The following MAP3K10 variants were observed in gnomAD, a reference collection of about 807,000 sequenced individuals.
The protein encoded by MAP3K10 is MKN28 derived nonreceptor_type serine/threonine kinase.
In MAP3K10, 22 loss-of-function variants were observed where a neutral mutation model predicts 75.0. The ratio of observed to expected loss-of-function variants is 0.29; its 90% CI spans 0.21 to 0.42. The LOEUF is 0.42. Ranked by LOEUF, MAP3K10 falls within the 10% of genes least tolerant of loss-of-function variation. The pLI is 1.00. For missense variants in MAP3K10, 1,165 were observed against 1,379.8 expected (o/e 0.84, Z 2.47); for synonymous variants, 599 against 612.9 (o/e 0.98, Z 0.34).
rs777257201 is a variant in MAP3K10, at chr19:40,192,048, G to A, written c.17G>A (p.Gly6Glu). The change falls in exon 1 of 10, where the codon GGG becomes GAG. Residue 6 changes from glycine to glutamate, a missense_variant. Physicochemically the swap from Gly to Glu is moderately conservative, Grantham distance 98. Around this residue, in one of 2 missense-constraint regions of MAP3K10, gnomAD observed 575 missense variants for 793.2 expected, o/e 0.72. Coordinates refer to ENST00000253055, the MANE Select transcript of MAP3K10 (RefSeq NM_002446.4). The surrounding 1 kb of genome is among the most constrained non-coding windows in gnomAD (Gnocchi z 7.1). ...CCCTCCCCCATGGAGGAGGAGGAGG[G>A]GGCGGTGGCCAAGGAGTGGGGCACG... is the stretch of plus-strand genomic sequence containing the variant. MEEEE[G>E]AVAKEWGTTP... is the part of the protein sequence containing the mutation. The A allele has an allele frequency of 2.2e-4, 314 of 1,445,072 alleles. No homozygotes were observed. The highest frequency in any genetic ancestry group is 2.7e-4 in the Non-Finnish European group (298 of 1,101,122). 89.5% of individuals were successfully genotyped at this position (1,445,072 alleles called of 1,614,324 possible). A position where few individuals can be genotyped will look rare whatever the true frequency, so the allele number is the denominator to read the frequency against.
In MAP3K10 at chr19:40,204,443, G is replaced by C; in HGVS notation, c.864-42G>C. ...CAGGGCTGGGTATAGGTGAGGATTGGGGTGGGCTGCGACATCACCCCTCCC... is the reference window on the plus strand; with the variant it reads ...CAGGGCTGGGTATAGGTGAGGATTGCGGTGGGCTGCGACATCACCCCTCCC... On this transcript the variant is annotated intron_variant, in intron 2 of 9. Coordinates refer to ENST00000253055, the MANE Select transcript of MAP3K10 (RefSeq NM_002446.4). This position sits in a 1 kb window ranked among gnomAD's most constrained non-coding sequence, Gnocchi z 4.3. 1 of 1,594,750 alleles carries C rather than the reference G, an allele frequency of 6.3e-7. No homozygotes were observed. The highest frequency in any genetic ancestry group is 1.1e-5 in the South Asian group (1 of 89,590).
chr19:40,208,345 C>CTTTTTCTTTT (rs1973163111), intron 5 of MAP3K10, among the ~76,000 whole-genome samples: 1 of 55,904 alleles, frequency 1.8e-5, no homozygotes, highest in East Asian at 4.6e-4. Flanking sequence ...CTCTTTCTTT[C>CTTTTTCTTTT]TTTTTTTTTT....
chr19:40,213,568 A>G lies in MAP3K10; in HGVS notation c.1889A>G (p.Tyr630Cys), dbSNP rs1379838996. 1.2e-6 allele frequency: 2 copies of G among 1,609,408 alleles called. No homozygotes were observed. Among genetic ancestry groups the G allele is most frequent in the African/African-American group, 2.7e-5 (2 of 74,478 alleles). ...DGGSSVPPSP[Y>C]STPSYLSVPL... is the part of the protein sequence containing the mutation. The stretch of plus-strand genomic sequence containing the variant: ...GGCAGCAGCGTGCCCCCTTCCCCCT[A>G]CTCGACCCCGTCCTACCTCTCAGTG... The change falls in exon 9 of 10, where the codon TAC becomes TGC. Residue 630 changes from tyrosine to cysteine, a missense_variant. By Grantham distance (194) the Tyr-to-Cys change is radical. Around this residue, in one of 2 missense-constraint regions of MAP3K10, gnomAD observed 590 missense variants for 586.6 expected, o/e 1.01. Coordinates refer to ENST00000253055, the MANE Select transcript of MAP3K10 (RefSeq NM_002446.4). This position sits in a 1 kb window ranked among gnomAD's most constrained non-coding sequence, Gnocchi z 5.7.
chr19:40,192,860 G>A lies in MAP3K10; in HGVS notation c.682+147G>A, dbSNP rs1972845261. Reference sequence around the variant, plus strand: ...TATGATACCTTCAGGGTGAAGGTGAGGTAGGCCTTGCCTGCCTTAAGGGAG... The same window carrying A: ...TATGATACCTTCAGGGTGAAGGTGAAGTAGGCCTTGCCTGCCTTAAGGGAG... On this transcript the variant is annotated intron_variant, in intron 1 of 9. Coordinates refer to ENST00000253055, the MANE Select transcript of MAP3K10 (RefSeq NM_002446.4). The surrounding 1 kb of genome is among the most constrained non-coding windows in gnomAD (Gnocchi z 7.1). The A allele has an allele frequency of 3.0e-6, 2 of 670,722 alleles. No individual in the cohort carries two copies. Among genetic ancestry groups the A allele is most frequent in the East Asian group, 6.0e-5 (2 of 33,418 alleles). The allele number at this position is 670,722 out of a possible 1,614,324, so 41.5% of individuals were successfully genotyped here. A position where few individuals can be genotyped will look rare whatever the true frequency, so the allele number is the denominator to read the frequency against.
At chr19:40,194,285 G>A (rs377340546) in intron 1 of MAP3K10, among the ~76,000 whole-genome samples, 3 of 152,142 alleles carry the variant, frequency 2.0e-5, no homozygotes, top group African/African-American at 7.2e-5. Context: ...TTGAAACCAG[G>A]AGGTGGAGGT....
At chr19:40,195,471 C>CGTT (rs1972888120) in intron 1 of MAP3K10, among the ~76,000 whole-genome samples, 1 of 48,656 alleles carries the variant, frequency 2.1e-5, no homozygotes, top group Non-Finnish European at 4.4e-5. Flanking sequence ...CCCGCCCGGC[C>CGTT]TTTTTTTTTT....
Position 40,204,314 on chromosome 19 carries a change from C to T in MAP3K10, c.864-171C>T, listed in dbSNP as rs1213413154. Among the ~76,000 whole-genome samples, 1 of 152,156 alleles carries T rather than the reference C, an allele frequency of 6.6e-6. No homozygotes were observed. Among genetic ancestry groups the T allele is most frequent in the East Asian group, 1.9e-4 (1 of 5,192 alleles). ...GAGACATCAGAGAGCCAAACCCACC[C>T]CATCTATTGGAGAACAAGGCCATGG... On this transcript the variant is annotated intron_variant, in intron 2 of 9. Transcript: ENST00000253055. The surrounding 1 kb of genome is among the most constrained non-coding windows in gnomAD (Gnocchi z 4.3).
chr19:40,204,805 C>T lies in MAP3K10; in HGVS notation c.1012+172C>T. The T allele has an allele frequency of 1.3e-6, 1 of 790,468 alleles. No homozygotes were observed. Among genetic ancestry groups the T allele is most frequent in the Non-Finnish European group, 2.0e-6 (1 of 512,180 alleles). 49.0% of individuals were successfully genotyped at this position (790,468 alleles called of 1,614,324 possible). On this transcript the variant is annotated intron_variant, in intron 3 of 9. Coordinates refer to ENST00000253055, the MANE Select transcript of MAP3K10 (RefSeq NM_002446.4). This position sits in a 1 kb window ranked among gnomAD's most constrained non-coding sequence, Gnocchi z 4.3. ...TCCCCATGGTTGGCTCCATCCCCCACATCCCAGCCCTTGTTTGGGCCAGGC... is the reference window on the plus strand; with the variant it reads ...TCCCCATGGTTGGCTCCATCCCCCATATCCCAGCCCTTGTTTGGGCCAGGC...
intron 5 of MAP3K10, among the ~76,000 whole-genome samples, chr19:40,207,991 G>A (rs1247426213): frequency 6.6e-6 from 1 of 152,020 alleles, no homozygotes; most frequent in South Asian, 2.1e-4. Flanking sequence ...GCCTCCCAAA[G>A]TGCTGGGATT....
intron 5 of MAP3K10, among the ~76,000 whole-genome samples, 161 bp from the exon 6 acceptor site, chr19:40,208,942 T>C (rs912488641): frequency 2.0e-5 from 3 of 152,220 alleles, no homozygotes; most frequent in Non-Finnish European, 4.4e-5. Flanking sequence ...CTGATGGTGA[T>C]GCTGCTGTTC....
chr19:40,199,690 G>A (rs1439054105), intron 2 of MAP3K10, among the ~76,000 whole-genome samples: 2 of 152,174 alleles, frequency 1.3e-5, no homozygotes, highest in Non-Finnish European at 2.9e-5. Flanking sequence ...AAGCCATGAG[G>A]AGCCATGTCT....
At chr19:40,195,989 A>G (rs977665051) in intron 1 of MAP3K10, among the ~76,000 whole-genome samples, 7 of 152,232 alleles carry the variant, frequency 4.6e-5, no homozygotes, top group South Asian at 4.1e-4. Context: ...AATTATGGCA[A>G]TATCACACAC....
intron 5 of MAP3K10, among the ~76,000 whole-genome samples, chr19:40,206,722 CCT>C (rs1274911426): frequency 1.3e-5 from 2 of 152,222 alleles, no homozygotes; most frequent in East Asian, 3.8e-4. Flanking sequence ...CACACCATCC[CCT>C]GAGAGGAACA....
rs538813597 is a variant in MAP3K10, at chr19:40,215,104, C to T, written c.2677C>T (p.Arg893Cys). The change falls in exon 10 of 10, where the codon CGC (arginine) becomes TGC (cysteine). Residue 893 changes from arginine (R) to cysteine (C), a missense_variant. Transcript: ENST00000253055. ...FAPRPRPAAS[R>C]PRLDPWKLVS... ...CCCGAGACCTCGGCCGGCTGCCAGTCGCCCCCGCTTGGACCCCTGGAAACT... is the reference window on the plus strand; with the variant it reads ...CCCGAGACCTCGGCCGGCTGCCAGTTGCCCCCGCTTGGACCCCTGGAAACT... 9.9e-6 allele frequency: 16 copies of T among 1,611,016 alleles called. No homozygotes were observed. Among genetic ancestry groups the T allele is most frequent in the South Asian group, 8.8e-5 (8 of 90,864 alleles).
rs1973267358 is a variant in MAP3K10, at chr19:40,212,937, G to T, written c.1685G>T (p.Ser562Ile). Residue 562 changes from serine to isoleucine, a missense_variant, in exon 7 of 10, where the codon AGC (serine) becomes ATC (isoleucine). Ser to Ile is a moderately radical substitution (Grantham distance 142). Around this residue, in one of 2 missense-constraint regions of MAP3K10, gnomAD observed 575 missense variants for 793.2 expected, o/e 0.72. Transcript: ENST00000253055. The surrounding 1 kb of genome is among the most constrained non-coding windows in gnomAD (Gnocchi z 4.2). ...GKKKGRTWGP[S>I]STLQKERVGG... ...AAGAAGGGACGAACGTGGGGGCCCAGCTCCACCCTGCAGAAGGAGCGGGTG... is the reference window on the plus strand; with the variant it reads ...AAGAAGGGACGAACGTGGGGGCCCATCTCCACCCTGCAGAAGGAGCGGGTG... 1 of 1,611,448 alleles carries T rather than the reference G, an allele frequency of 6.2e-7. No individual in the cohort carries two copies. The highest frequency in any genetic ancestry group is 8.5e-7 in the Non-Finnish European group (1 of 1,178,836).
At chr19:40,209,341 T>C (rs1424945746) in intron 6 of MAP3K10, 122 bp downstream of exon 6, 2 of 634,780 alleles carry the variant, frequency 3.2e-6, no homozygotes, top group African/African-American at 3.7e-5. Context: ...AAGGCCCTTT[T>C]CCTCATTCTT....
At chr19:40,196,693 A>G (rs1599899929) in intron 1 of MAP3K10, among the ~76,000 whole-genome samples, 1 of 152,026 alleles carries the variant, frequency 6.6e-6, no homozygotes, top group African/African-American at 2.4e-5. Context: ...TAATTTTTGT[A>G]TTTTTAGTAG....
At chr19:40,207,743 A>G (rs1331966368) in intron 5 of MAP3K10, among the ~76,000 whole-genome samples, 1 of 152,180 alleles carries the variant, frequency 6.6e-6, no homozygotes, top group East Asian at 1.9e-4. Context: ...CTCAAAAAAT[A>G]TATATATTTT....
At chr19:40,195,358 C>A (rs1304114954) in intron 1 of MAP3K10, among the ~76,000 whole-genome samples, 1 of 149,488 alleles carries the variant, frequency 6.7e-6, no homozygotes, top group African/African-American at 2.5e-5. Context: ...GGTTTCGATA[C>A]AAACAGGAGA....
Sources: gnomAD v4.1 joint callset for allele counts (sites outside exome capture counted in the v4.1 genomes callset) on GRCh38, gnomAD v4.1.1 for gene constraint, gnomAD v4.1.1 regional missense constraint, Gnocchi (gnomAD v3.1) non-coding constraint, MANE v1.5 for transcripts, NCBI Gene and HGNC (gene_info 2026-07-23, HGNC 2026-07-21) for gene names.